GNA14: variants seen among roughly 807,000 people sequenced by gnomAD.
The protein encoded by GNA14 is G protein subunit alpha 14.
GNA14 carries 50 observed loss-of-function variants against 42.0 expected under a neutral mutation model. The observed-to-expected ratio is 1.19, with a 90% confidence interval of 0.95 to 1.51. The LOEUF is 1.51. GNA14 is among the 40% of genes most tolerant of loss of function. The pLI, the probability that GNA14 is intolerant of heterozygous loss-of-function variation, is 0.00. For synonymous variants in GNA14, 173 were observed against 163.1 expected, an observed-to-expected ratio of 1.06 and a Z score of -0.46; for missense variants, 473 against 446.2, an observed-to-expected ratio of 1.06 and a Z score of -0.54.
intron 1 of GNA14, among the ~76,000 whole-genome samples, chr9:77,574,292 A>T (rs573769320): frequency 8.5e-5 from 13 of 152,368 alleles, no homozygotes; most frequent in African/African-American, 2.6e-4. Flanking sequence ...GTGAAGAAAA[A>T]GGCAAAGTAA....
intron 5 of GNA14, among the ~76,000 whole-genome samples, chr9:77,428,118 G>A (rs1395433435): frequency 1.6e-5 from 2 of 127,696 alleles, no homozygotes; most frequent in African/African-American, 3.1e-5. Context: ...TCGCTCTGTT[G>A]CCCAGGCTGG....
At chr9:77,466,610 C>A (rs966770018) in intron 2 of GNA14, among the ~76,000 whole-genome samples, 53 of 148,848 alleles carry the variant, frequency 3.6e-4, no homozygotes, top group Admixed American at 3.4e-4. Flanking sequence ...GCCTTCCAAG[C>A]CTGTTTTTTG....
At chr9:77,490,900 AGAGC>A (rs1187545315) in intron 2 of GNA14, among the ~76,000 whole-genome samples, 6 of 152,272 alleles carry the variant, frequency 3.9e-5, no homozygotes, top group Admixed American at 3.9e-4. Flanking sequence ...GGAGGCGCCG[AGAGC>A]GAGCAAGGGC....
intron 2 of GNA14, among the ~76,000 whole-genome samples, chr9:77,504,660 CTTTTTTT>C (rs34631344): frequency 2.6e-5 from 2 of 76,218 alleles, no homozygotes; most frequent in African/African-American, 5.2e-5. Flanking sequence ...GTCTGGCCGA[CTTTTTTT>C]TTTTTTTTTT....
Position 77,494,124 on chromosome 9 carries a change from C to T in GNA14, c.309+34945G>A, listed in dbSNP as rs146458740. Among the ~76,000 whole-genome samples, 46 of 152,108 alleles carry T rather than the reference C, an allele frequency of 3.0e-4. 1 individual carries two copies. In the East Asian group the frequency reaches 8.3e-3, roughly 28 times the overall value. ...CTTTAGTAGAGACGGGGTTTCACCA[C>T]GTTGCCCATGCTGGTCTCGAACTCC... On this transcript the variant is annotated intron_variant, in intron 2 of 6. Transcript: ENST00000341700.
intron 2 of GNA14, among the ~76,000 whole-genome samples, chr9:77,440,864 C>T (rs1019034684): frequency 8.6e-5 from 13 of 152,012 alleles, no homozygotes; most frequent in African/African-American, 2.7e-4. Context: ...TACAGGTGCC[C>T]ACCACCATGC....
intron 2 of GNA14, chr9:77,456,648 AG>A (rs1836004644): frequency 6.6e-6 from 1 of 152,180 alleles, no homozygotes; most frequent in East Asian, 1.9e-4. Context: ...GGAACTGAGG[AG>A]TAACGTATGT....
chr9:77,490,881 C>A (rs1836760334), intron 2 of GNA14, among the ~76,000 whole-genome samples: 1 of 152,248 alleles, frequency 6.6e-6, no homozygotes, highest in Non-Finnish European at 1.5e-5. Flanking sequence ...AAGTGGTAGC[C>A]CAGGCAGAGG....
chr9:77,551,751 T>C (rs1388807861), intron 1 of GNA14, among the ~76,000 whole-genome samples: 1 of 152,062 alleles, frequency 6.6e-6, no homozygotes, highest in Non-Finnish European at 1.5e-5. Flanking sequence ...CTTTGCTTTT[T>C]TTAAAAAAAA....
At chr9:77,553,998 G>A (rs1822725340) in intron 1 of GNA14, among the ~76,000 whole-genome samples, 1 of 152,192 alleles carries the variant, frequency 6.6e-6, no homozygotes, top group Non-Finnish European at 1.5e-5. Flanking sequence ...CTACAGTACA[G>A]TAAATGAGAA....
intron 2 of GNA14, among the ~76,000 whole-genome samples, chr9:77,500,028 T>G (rs1836939734): frequency 6.7e-6 from 1 of 148,176 alleles, no homozygotes; most frequent in Non-Finnish European, 1.5e-5. Context: ...TTTCTTTTCT[T>G]TTTTTTTTTT....
At chr9:77,471,964 T>C (rs1301281252) in intron 2 of GNA14, among the ~76,000 whole-genome samples, 1 of 152,216 alleles carries the variant, frequency 6.6e-6, no homozygotes, top group Non-Finnish European at 1.5e-5. Context: ...ATTGGGGTTG[T>C]TTGGAGTCTG....
At chr9:77,647,106 T>G (rs1442255764) in intron 1 of GNA14, among the ~76,000 whole-genome samples, 2 of 152,220 alleles carry the variant, frequency 1.3e-5, no homozygotes, top group Non-Finnish European at 1.5e-5. Context: ...TGACCTAGCA[T>G]CGGCTTTGCC....
chr9:77,549,100 A>G (rs1174998340), intron 1 of GNA14, among the ~76,000 whole-genome samples: 1 of 152,018 alleles, frequency 6.6e-6, no homozygotes, highest in Non-Finnish European at 1.5e-5. Context: ...ACACCCAGCT[A>G]ATTTTTGGAT....
chr9:77,486,582 A>G (rs1388578827), intron 2 of GNA14, among the ~76,000 whole-genome samples: 1 of 152,200 alleles, frequency 6.6e-6, no homozygotes, highest in Non-Finnish European at 1.5e-5. Context: ...TTCCTCACTA[A>G]GCTTAATCAT....
intron 2 of GNA14, among the ~76,000 whole-genome samples, chr9:77,503,147 G>GATTC (rs1837002093): frequency 6.6e-6 from 1 of 152,142 alleles, no homozygotes; most frequent in African/African-American, 2.4e-5. Flanking sequence ...GTTGTACTTA[G>GATTC]CAGAAGGAAT....
intron 2 of GNA14, among the ~76,000 whole-genome samples, chr9:77,513,784 A>T (rs1455808526): frequency 6.6e-6 from 1 of 152,248 alleles, no homozygotes; most frequent in Non-Finnish European, 1.5e-5. Flanking sequence ...TCCTCACTCC[A>T]GTTATGAGCC....
intron 2 of GNA14, among the ~76,000 whole-genome samples, chr9:77,515,977 A>AAAAAAAAAC (rs1280714289): frequency 6.7e-6 from 1 of 148,222 alleles, no homozygotes; most frequent in Non-Finnish European, 1.5e-5. Flanking sequence ...AAAAAAAAAA[A>AAAAAAAAAC]AAAAAACCCA....
At position 77,600,844 on chromosome 9, in the gene GNA14, G is replaced by A. The variant is rs547820131; in HGVS notation, c.124+46826C>T. ...TGAGGCAGGAGAATCGCTTGAACCC[G>A]GGAGGCGGAGGTTGCAGTGCGCCAA... On this transcript the variant is annotated intron_variant, in intron 1 of 6. Coordinates refer to ENST00000341700, the MANE Select transcript of GNA14 (RefSeq NM_004297.4). Among the ~76,000 whole-genome samples the A allele has an allele frequency of 4.6e-5, 7 of 152,312 alleles. No homozygotes were observed. In the South Asian group the frequency reaches 1.2e-3, roughly 27 times the overall value.
Sources: gnomAD v4.1 joint callset for allele counts (sites outside exome capture counted in the v4.1 genomes callset) on GRCh38, gnomAD v4.1.1 for gene constraint, MANE v1.5 for transcripts, NCBI Gene and HGNC (gene_info 2026-07-23, HGNC 2026-07-21) for gene names.